The following PPFIA2 variants were observed in gnomAD, a reference collection of about 807,000 sequenced individuals.
PPFIA2 encodes the protein liprin-alpha-2.
Under a neutral mutation model 175.5 loss-of-function variants are expected in PPFIA2, and 46 were observed. The observed-to-expected ratio is 0.26, with a 90% CI of 0.21 to 0.34. The LOEUF is 0.34. PPFIA2 is among the 10% of genes least tolerant of loss of function. The pLI, the probability that PPFIA2 is intolerant of heterozygous loss-of-function variation, is 1.00. For synonymous variants in PPFIA2, 568 were observed against 511.4 expected, an observed-to-expected ratio of 1.11 and a Z score of -1.49; for missense variants, 1,179 against 1,506.1, an observed-to-expected ratio of 0.78 and a Z score of 3.60.
intron 3 of PPFIA2, among the ~76,000 whole-genome samples, chr12:81,687,881 G>C (rs1940114240): frequency 6.6e-6 from 1 of 151,846 alleles, no homozygotes; most frequent in Admixed American, 6.6e-5. Flanking sequence ...AGTTACACAT[G>C]TGTAAAATAA....
chr12:81,355,611 G>A (rs539135694), intron 16 of PPFIA2, among the ~76,000 whole-genome samples: 30 of 152,122 alleles, frequency 2.0e-4, no homozygotes, highest in Admixed American at 1.4e-3. Flanking sequence ...ATGAATTATC[G>A]TAGCTAGATC....
chr12:81,326,631 GAAGA>G (rs1481096679), intron 21 of PPFIA2, among the ~76,000 whole-genome samples: 1 of 151,996 alleles, frequency 6.6e-6, no homozygotes, highest in Non-Finnish European at 1.5e-5. Context: ...ATAAAAGGAA[GAAGA>G]AAGAAAAGTA....
intron 8 of PPFIA2, among the ~76,000 whole-genome samples, chr12:81,392,163 T>C (rs1427777033): frequency 2.0e-5 from 3 of 151,828 alleles, no homozygotes; most frequent in East Asian, 3.9e-4. Flanking sequence ...CTAAAGGTTA[T>C]AAAAGGGGTC....
At chr12:81,604,948 A>G (rs2060141219) in intron 4 of PPFIA2, among the ~76,000 whole-genome samples, 1 of 151,776 alleles carries the variant, frequency 6.6e-6, no homozygotes, top group African/African-American at 2.4e-5. Flanking sequence ...TAGAATTAAG[A>G]GAAGACCCCA....
At chr12:81,707,217 C>T (rs1373538428) in intron 3 of PPFIA2, among the ~76,000 whole-genome samples, 1 of 151,948 alleles carries the variant, frequency 6.6e-6, no homozygotes, top group African/African-American at 2.4e-5. Context: ...AAGAAACTAC[C>T]ATCAGAGTGA....
At chr12:81,667,128 C>A (rs1197299868) in intron 4 of PPFIA2, among the ~76,000 whole-genome samples, 1 of 152,070 alleles carries the variant, frequency 6.6e-6, no homozygotes, top group Non-Finnish European at 1.5e-5. Context: ...TCTACATCAC[C>A]AAGCTTCTCC....
intron 4 of PPFIA2, among the ~76,000 whole-genome samples, chr12:81,474,750 ATTG>A (rs1244311987): frequency 7.2e-5 from 11 of 152,296 alleles, no homozygotes; most frequent in East Asian, 5.8e-4. Context: ...ATAAGCAAAA[ATTG>A]TTATTATTTC....
intron 4 of PPFIA2, among the ~76,000 whole-genome samples, chr12:81,623,330 A>G (rs1041060483): frequency 2.6e-5 from 4 of 152,030 alleles, no homozygotes; most frequent in African/African-American, 9.6e-5. Context: ...TATAAAATCA[A>G]TTAAAAAGAG....
At chr12:81,482,548 T>A (rs1189048248) in intron 4 of PPFIA2, among the ~76,000 whole-genome samples, 1 of 152,170 alleles carries the variant, frequency 6.6e-6, no homozygotes, top group Non-Finnish European at 1.5e-5. Context: ...CATGGAATAC[T>A]ATGCAGCCAT....
At chr12:81,327,183 A>G (rs2054973239) in intron 21 of PPFIA2, among the ~76,000 whole-genome samples, 1 of 152,112 alleles carries the variant, frequency 6.6e-6, no homozygotes, top group Non-Finnish European at 1.5e-5. Context: ...TAATTTTTTA[A>G]AAGTCTCCTT....
intron 30 of PPFIA2, among the ~76,000 whole-genome samples, chr12:81,264,426 T>C (rs1288061842): frequency 6.6e-6 from 1 of 152,150 alleles, no homozygotes; most frequent in Non-Finnish European, 1.5e-5. Flanking sequence ...TCATTCCACA[T>C]AGGTCTTGTC....
chr12:81,452,661 G>T (rs939425632), intron 5 of PPFIA2, among the ~76,000 whole-genome samples: 1 of 152,136 alleles, frequency 6.6e-6, no homozygotes, highest in African/African-American at 2.4e-5. Flanking sequence ...TTCCTTTTCT[G>T]AATTGGACCG....
chr12:81,713,137 T>A (rs1346043932), intron 3 of PPFIA2, among the ~76,000 whole-genome samples: 1 of 151,260 alleles, frequency 6.6e-6, no homozygotes, highest in Admixed American at 6.7e-5. Context: ...AGTACAAAAT[T>A]ATTAGAAAAT....
chr12:81,482,768 C>G (rs752279137), intron 4 of PPFIA2, among the ~76,000 whole-genome samples: 1 of 151,932 alleles, frequency 6.6e-6, no homozygotes, highest in South Asian at 2.1e-4. Context: ...GATAGCATTA[C>G]GAGAAATACC....
chr12:81,369,351 C>T (rs777258297), intron 11 of PPFIA2, 157 bp from the exon 12 acceptor site: 3 of 1,480,600 alleles, frequency 2.0e-6, no homozygotes, highest in Non-Finnish European at 9.0e-7. Flanking sequence ...AACAGCATTG[C>T]TTGAAATGTG....
intron 21 of PPFIA2, among the ~76,000 whole-genome samples, chr12:81,331,847 C>T (rs796115961): frequency 1.3e-5 from 2 of 152,098 alleles, no homozygotes; most frequent in African/African-American, 4.8e-5. Context: ...TGTCAGTAGC[C>T]TCTTCTTTAT....
rs190610582 is a variant in PPFIA2, at chr12:81,311,526, G to T, written c.2643-12144C>A. Among the ~76,000 whole-genome samples the T allele has an allele frequency of 6.8e-3, 1,039 of 152,100 alleles. 17 individuals are homozygous for T. The highest frequency in any genetic ancestry group is 0.024 in the African/African-American group (990 of 41,494). On this transcript the variant is annotated intron_variant, in intron 22 of 32. Coordinates refer to ENST00000549396, the MANE Select transcript of PPFIA2 (RefSeq NM_003625.5). The stretch of plus-strand genomic sequence containing the variant: ...AGGCGGGTGGATCATGAGGTCAGGA[G>T]ATCGAGACCATCCTGACTAACACGG...
At chr12:81,275,452 T>C (rs1459498423) in intron 28 of PPFIA2, among the ~76,000 whole-genome samples, 3 of 152,204 alleles carry the variant, frequency 2.0e-5, no homozygotes, top group South Asian at 2.1e-4. Flanking sequence ...AAGATAAAAG[T>C]AATTTCTGAC....
chr12:81,424,283 CTG>C (rs2046780806), intron 7 of PPFIA2, among the ~76,000 whole-genome samples: 1 of 151,990 alleles, frequency 6.6e-6, no homozygotes, highest in East Asian at 1.9e-4. Flanking sequence ...AAAAATGAAA[CTG>C]TTGTTTCCAT....
Sources: gnomAD v4.1 joint callset for allele counts (sites outside exome capture counted in the v4.1 genomes callset) on GRCh38, gnomAD v4.1.1 for gene constraint, MANE v1.5 for transcripts, NCBI Gene and HGNC (gene_info 2026-07-23, HGNC 2026-07-21) for gene names.